Variants in SEPTIN11 observed in about 807,000 individuals in gnomAD.
SEPTIN11 encodes the protein septin-11.
Under a neutral mutation model 51.4 loss-of-function variants are expected in SEPTIN11, and 25 were observed. That is an observed-to-expected ratio of 0.49 (90% CI 0.35 to 0.68). The LOEUF is 0.68. Ranked by LOEUF, SEPTIN11 falls within the 30% of genes least tolerant of loss-of-function variation. The pLI, the probability that SEPTIN11 is intolerant of heterozygous loss-of-function variation, is 0.00. For synonymous variants in SEPTIN11, 174 were observed against 184.1 expected (o/e 0.95, Z 0.44); for missense variants, 381 against 520.8 (o/e 0.73, Z 2.61).
chr4:76,988,453 C>CT (rs200965982), intron 1 of SEPTIN11, among the ~76,000 whole-genome samples: 7 of 152,280 alleles, frequency 4.6e-5, no homozygotes, highest in Non-Finnish European at 7.4e-5. Context: ...ATTTGCTTTT[C>CT]TTTTTGAGAA....
chr4:76,959,832 T>C (rs529658339), intron 1 of SEPTIN11, among the ~76,000 whole-genome samples: 2 of 152,200 alleles, frequency 1.3e-5, no homozygotes, highest in Non-Finnish European at 2.9e-5. Flanking sequence ...TAAGAGTGTT[T>C]ATTTTATTTT....
At chr4:76,988,993 CCT>C (rs1376095721) in intron 1 of SEPTIN11, among the ~76,000 whole-genome samples, 30 of 152,146 alleles carry the variant, frequency 2.0e-4, no homozygotes, top group Admixed American at 1.9e-3. Context: ...AATTTTTCAC[CCT>C]GTGTTGGCTT....
intron 1 of SEPTIN11, among the ~76,000 whole-genome samples, chr4:76,992,750 A>C: frequency 6.6e-6 from 1 of 152,236 alleles, no homozygotes; most frequent in African/African-American, 2.4e-5. Context: ...TTCATAATAA[A>C]GACAATGATG....
At chr4:77,030,693 C>T in intron 8 of SEPTIN11, 90 bp from the exon 9 acceptor site, 3 of 1,234,660 alleles carry the variant, frequency 2.4e-6, no homozygotes, top group South Asian at 3.2e-5. Context: ...CCGTGCCTGG[C>T]CATGTTTTGT....
At chr4:76,951,715 G>A (rs1721357961) in intron 1 of SEPTIN11, among the ~76,000 whole-genome samples, 1 of 152,216 alleles carries the variant, frequency 6.6e-6, no homozygotes. Context: ...GGAGGTGGAA[G>A]AAATAATTAG....
At chr4:76,991,581 A>G (rs1578151206) in intron 1 of SEPTIN11, among the ~76,000 whole-genome samples, 1 of 36,254 alleles carries the variant, frequency 2.8e-5, no homozygotes, top group African/African-American at 6.3e-5. Flanking sequence ...TGGGCATAGA[A>G]ACATTTATCC....
rs111593901 is a variant in SEPTIN11 at position 76,986,507 on chromosome 4, C to A, written c.28-9918C>A. Among the ~76,000 whole-genome samples, 366 of 152,288 alleles carry A rather than the reference C, an allele frequency of 2.4e-3. 3 individuals carry two copies. The highest frequency in any genetic ancestry group is 8.0e-3 in the African/African-American group (332 of 41,552). On this transcript the variant is annotated intron_variant, in intron 1 of 9. Transcript: ENST00000264893. ...CAAAAGATAAATATGTTAATTAATTCTTTACAACAGCCCTGTGAGAGAATG... is the reference window on the plus strand; with the variant it reads ...CAAAAGATAAATATGTTAATTAATTATTTACAACAGCCCTGTGAGAGAATG...
Position 76,968,259 on chromosome 4 carries a change from C to G in SEPTIN11, c.27+18329C>G, listed in dbSNP as rs550511948. On this transcript the variant is annotated intron_variant, in intron 1 of 9. Transcript: ENST00000264893. ...ATTATTAGTGCTAGAGCCAGAAGGG[C>G]CTTCAAAGGTCACCTTATAAAGGAC... Among the ~76,000 whole-genome samples the G allele has an allele frequency of 3.9e-5, 6 of 152,172 alleles. No individual in the cohort carries two copies. In the South Asian group the frequency reaches 1.2e-3, roughly 32 times the overall value.
intron 9 of SEPTIN11, chr4:77,032,161 T>C (rs576825115): frequency 1.6e-4 from 24 of 152,082 alleles, no homozygotes; most frequent in African/African-American, 5.8e-4. Context: ...TACAATGACA[T>C]ACTGAGAGAG....
chr4:76,980,505 C>G (rs1722717264), intron 1 of SEPTIN11, among the ~76,000 whole-genome samples: 1 of 152,140 alleles, frequency 6.6e-6, no homozygotes, highest in Non-Finnish European at 1.5e-5. Flanking sequence ...TGCGCTAAAC[C>G]CACTCCCGGT....
At chr4:76,998,599 T>A (rs1723899617) in intron 2 of SEPTIN11, among the ~76,000 whole-genome samples, 1 of 152,088 alleles carries the variant, frequency 6.6e-6, no homozygotes, top group Non-Finnish European at 1.5e-5. Flanking sequence ...TTAAACCCAG[T>A]TAAGACTCTC....
At chr4:77,028,060 T>A (rs1451817203) in intron 7 of SEPTIN11, among the ~76,000 whole-genome samples, 4 of 152,152 alleles carry the variant, frequency 2.6e-5, no homozygotes, top group Non-Finnish European at 5.9e-5. Flanking sequence ...TGGAGGGAGA[T>A]GAGAGGGGAG....
intron 2 of SEPTIN11, among the ~76,000 whole-genome samples, chr4:76,999,610 AT>A (rs941330644): frequency 1.6e-4 from 24 of 152,318 alleles, no homozygotes; most frequent in African/African-American, 5.8e-4. Flanking sequence ...CAGAATTGTA[AT>A]TTTGTTTTGT....
chr4:76,962,739 T>C (rs1484273193), intron 1 of SEPTIN11, among the ~76,000 whole-genome samples: 1 of 152,224 alleles, frequency 6.6e-6, no homozygotes, highest in Non-Finnish European at 1.5e-5. Context: ...GAAATATGAT[T>C]TGGGAAGCAA....
chr4:77,023,267 T>TAC (rs1346439491), intron 7 of SEPTIN11, among the ~76,000 whole-genome samples: 2 of 98,770 alleles, frequency 2.0e-5, no homozygotes, highest in African/African-American at 9.2e-5. Flanking sequence ...AGGGAAAATG[T>TAC]ATACACACAC....
At chr4:76,974,072 G>C (rs1351192571) in intron 1 of SEPTIN11, among the ~76,000 whole-genome samples, 2 of 152,126 alleles carry the variant, frequency 1.3e-5, no homozygotes, top group Non-Finnish European at 2.9e-5. Flanking sequence ...TTCTGGCTTT[G>C]GATCTATGCT....
chr4:76,982,047 C>T (rs1028571922), intron 1 of SEPTIN11, among the ~76,000 whole-genome samples: 2 of 152,156 alleles, frequency 1.3e-5, no homozygotes, highest in African/African-American at 4.8e-5. Context: ...TTCCAGTAAA[C>T]TGAAAAAGAA....
chr4:76,961,353 T>C (rs1465328484), intron 1 of SEPTIN11, among the ~76,000 whole-genome samples: 1 of 152,214 alleles, frequency 6.6e-6, no homozygotes, highest in Non-Finnish European at 1.5e-5. Context: ...TATTAGAATC[T>C]GGATGGAATG....
At chr4:76,970,947 A>C (rs1722212845) in intron 1 of SEPTIN11, among the ~76,000 whole-genome samples, 1 of 152,224 alleles carries the variant, frequency 6.6e-6, no homozygotes, top group Admixed American at 6.5e-5. Context: ...AACATGCTTG[A>C]TGAAAGTTCT....
Sources: allele counts gnomAD v4.1 joint callset (sites outside exome capture counted in the v4.1 genomes callset), GRCh38; gene constraint gnomAD v4.1.1; transcripts MANE v1.5; gene names NCBI Gene and HGNC (gene_info 2026-07-23, HGNC 2026-07-21).